Variants in DCDC1 observed in about 807,000 individuals in gnomAD.
DCDC1 encodes doublecortin domain containing 1, also known as doublecortin domain-containing protein 1.
A neutral mutation model predicts 178.3 loss-of-function variants in DCDC1; 200 were observed. That is an observed-to-expected ratio of 1.12 (90% CI 1.00 to 1.26). The LOEUF (loss-of-function observed/expected upper bound fraction) is 1.26, where lower values mean the gene tolerates loss of function less well. Among genes scored for constraint, DCDC1 ranks in the 50% most tolerant of loss-of-function variants. DCDC1 has a pLI of 0.00. For synonymous variants in DCDC1, 690 were observed against 604.8 expected, an observed-to-expected ratio of 1.14 and a Z score of -2.07; for missense variants, 1,983 against 1,749.2, an observed-to-expected ratio of 1.13 and a Z score of -2.38.
At position 31,022,643 on chromosome 11, in the gene DCDC1, TTGTGTGTG is replaced by T. The variant is rs4067986; in HGVS notation, c.2591+41818_2591+41825del. ...TCTTGTTTATCTAGTGTCTTTTAGTTTGTGTGTGTGTGTGTGTGTGTGTGTGTGTGTGT... is the reference window on the plus strand; with the variant it reads ...TCTTGTTTATCTAGTGTCTTTTAGTTTGTGTGTGTGTGTGTGTGTGTGTGT... On this transcript the variant is annotated intron_variant, in intron 20 of 38. Transcript: ENST00000684477. Among the ~76,000 whole-genome samples the T allele has an allele frequency of 5.9e-4, 72 of 121,046 alleles. 1 individual carries two copies. The highest frequency in any genetic ancestry group is 2.2e-3 in the Admixed American group (25 of 11,546). 79.4% of individuals were successfully genotyped at this position (121,046 alleles called of 152,430 possible). A position where few individuals can be genotyped will look rare whatever the true frequency, so the allele number is the denominator to read the frequency against.
intron 20 of DCDC1, among the ~76,000 whole-genome samples, chr11:30,970,091 G>A (rs1341598864): frequency 6.6e-6 from 1 of 152,204 alleles, no homozygotes; most frequent in Non-Finnish European, 1.5e-5. Context: ...TGGGAATCTG[G>A]AGAGGATCCC....
At chr11:31,150,581 T>C (rs1965061218) in intron 9 of DCDC1, among the ~76,000 whole-genome samples, 1 of 152,158 alleles carries the variant, frequency 6.6e-6, no homozygotes. Context: ...AATATCTATC[T>C]ATCTATCTAT....
intron 20 of DCDC1, among the ~76,000 whole-genome samples, chr11:31,021,145 C>T (rs974541103): frequency 4.6e-5 from 7 of 152,166 alleles, no homozygotes; most frequent in African/African-American, 1.7e-4. Flanking sequence ...GTGTAAATTG[C>T]ACCAACTCTT....
chr11:31,128,381 T>A (rs1961949288), intron 10 of DCDC1, among the ~76,000 whole-genome samples: 1 of 152,110 alleles, frequency 6.6e-6, no homozygotes, highest in Non-Finnish European at 1.5e-5. Context: ...TACTTGTGGA[T>A]TATTAATAGC....
intron 9 of DCDC1, among the ~76,000 whole-genome samples, chr11:31,214,824 A>C (rs1973335671): frequency 6.6e-6 from 1 of 152,104 alleles, no homozygotes; most frequent in South Asian, 2.1e-4. Flanking sequence ...TAAATTTCAA[A>C]TATATGTTAA....
At chr11:31,183,169 A>G (rs548155048) in intron 9 of DCDC1, among the ~76,000 whole-genome samples, 1 of 152,308 alleles carries the variant, frequency 6.6e-6, no homozygotes, top group East Asian at 1.9e-4. Context: ...TTAACACCCC[A>G]ATGTCAATAT....
chr11:31,017,259 C>G (rs1952540052), intron 20 of DCDC1, among the ~76,000 whole-genome samples: 1 of 152,184 alleles, frequency 6.6e-6, no homozygotes, highest in African/African-American at 2.4e-5. Context: ...ACCCTGAAGA[C>G]AGCAACACTA....
intron 9 of DCDC1, among the ~76,000 whole-genome samples, chr11:31,162,111 T>C (rs1966364648): frequency 6.6e-6 from 1 of 152,168 alleles, no homozygotes; most frequent in Non-Finnish European, 1.5e-5. Context: ...AGGTGAGTTG[T>C]GATTAATTGA....
intron 32 of DCDC1, among the ~76,000 whole-genome samples, chr11:30,902,527 T>G (rs2134119329): frequency 6.6e-6 from 1 of 152,318 alleles, no homozygotes; most frequent in South Asian, 2.1e-4. Flanking sequence ...TGTGTGTGTG[T>G]GTGTATATCC....
At chr11:31,213,234 G>C (rs554448767) in intron 9 of DCDC1, among the ~76,000 whole-genome samples, 26 of 147,418 alleles carry the variant, frequency 1.8e-4, no homozygotes, top group South Asian at 6.5e-4. Flanking sequence ...CTTCACCCCA[G>C]TCTGGTTGGA....
At chr11:30,915,767 G>C in intron 26 of DCDC1, 56 bp from the exon 27 acceptor site, 3 of 1,534,652 alleles carry the variant, frequency 2.0e-6, no homozygotes, top group Non-Finnish European at 2.7e-6. Context: ...ACTTGATCAT[G>C]CACTTGATGT....
At chr11:30,974,774 C>T (rs1950009406) in intron 20 of DCDC1, among the ~76,000 whole-genome samples, 1 of 152,068 alleles carries the variant, frequency 6.6e-6, no homozygotes, top group Non-Finnish European at 1.5e-5. Flanking sequence ...CAAATTCTAC[C>T]AAACTTACAA....
In DCDC1 at chr11:30,864,133, A is replaced by G. The variant is rs533707885; in HGVS notation, c.*1240T>C. ...CAGAGTGAGACTCCATCTCAAAAAA[A>G]AAAAATTGCATATCTGTATTTTGTG... On this transcript the variant is annotated 3_prime_UTR_variant, in exon 39 of 39. Transcript: ENST00000684477. 41 of 152,350 alleles carry G rather than the reference A, an allele frequency of 2.7e-4. No homozygotes were observed. Among genetic ancestry groups the G allele is most frequent in the African/African-American group, 8.2e-4 (34 of 41,580 alleles). 9.4% of individuals were successfully genotyped at this position (152,350 alleles called of 1,614,324 possible).
intron 18 of DCDC1, among the ~76,000 whole-genome samples, chr11:31,076,500 C>G (rs765683869): frequency 5.9e-5 from 9 of 152,060 alleles, no homozygotes; most frequent in Non-Finnish European, 1.2e-4. Context: ...AGGCATGCAC[C>G]ATCAGGACTG....
intron 36 of DCDC1, among the ~76,000 whole-genome samples, chr11:30,885,501 A>C (rs796179528): frequency 9.2e-5 from 14 of 152,174 alleles, no homozygotes; most frequent in African/African-American, 3.4e-4. Flanking sequence ...ATCAATATGA[A>C]AAATATATAT....
chr11:31,059,239 A>G (rs185081930), intron 20 of DCDC1, among the ~76,000 whole-genome samples: 425 of 152,226 alleles, frequency 2.8e-3, no homozygotes, highest in Non-Finnish European at 4.5e-3. Flanking sequence ...TGTTTCAAAG[A>G]AACAGATGCA....
At chr11:30,980,857 C>T (rs533089682) in intron 20 of DCDC1, among the ~76,000 whole-genome samples, 5 of 152,232 alleles carry the variant, frequency 3.3e-5, no homozygotes, top group African/African-American at 1.2e-4. Context: ...CACTACTGTG[C>T]ATCTGCCCAA....
At chr11:30,935,829 G>A (rs1341734438) in intron 21 of DCDC1, among the ~76,000 whole-genome samples, 1 of 152,216 alleles carries the variant, frequency 6.6e-6, no homozygotes, top group African/African-American at 2.4e-5. Flanking sequence ...TGGGATTACA[G>A]GCATAAGCCA....
At chr11:30,986,879 G>A (rs1175358248) in intron 20 of DCDC1, among the ~76,000 whole-genome samples, 1 of 152,138 alleles carries the variant, frequency 6.6e-6, no homozygotes, top group Non-Finnish European at 1.5e-5. Flanking sequence ...TGAACTCATT[G>A]CACTAAACAA....
Sources: gnomAD v4.1 joint callset for allele counts (sites outside exome capture counted in the v4.1 genomes callset) on GRCh38, gnomAD v4.1.1 for gene constraint, MANE v1.5 for transcripts, NCBI Gene and HGNC (gene_info 2026-07-23, HGNC 2026-07-21) for gene names.